TENM1: variants seen among roughly 807,000 people sequenced by gnomAD.
TENM1 encodes teneurin-1.
Under a neutral mutation model 174.8 loss-of-function variants are expected in TENM1, and 35 were observed. That is an observed-to-expected ratio of 0.20 (90% confidence interval 0.15 to 0.27). The LOEUF is 0.27. Ranked by LOEUF, TENM1 falls within the 10% of genes least tolerant of loss-of-function variation. The pLI, the probability that TENM1 is intolerant of heterozygous loss-of-function variation, is 1.00. For missense variants in TENM1, 1,633 were observed against 2,130.1 expected (o/e 0.77, Z 4.59); for synonymous variants, 781 against 798.7 (o/e 0.98, Z 0.37).
chrX:125,050,285 A>G, the TENM1 span, among the ~76,000 whole-genome samples: 11 of 109,732 alleles, frequency 1.0e-4, no homozygotes, highest in African/African-American at 3.0e-4. Flanking sequence ...AACATTAGGT[A>G]TATCTCCTAA....
chrX:124,791,691 A>G (rs1201666970), intron 3 of TENM1, among the ~76,000 whole-genome samples: 1 of 111,948 alleles, frequency 8.9e-6, no homozygotes, highest in African/African-American at 3.2e-5. Flanking sequence ...TGACTCTTCT[A>G]CATGCAGTCA....
the TENM1 span, among the ~76,000 whole-genome samples, chrX:124,972,005 C>T: frequency 1.8e-5 from 2 of 110,375 alleles, no homozygotes; most frequent in South Asian, 3.9e-4. Context: ...GAGGCCTAGG[C>T]GGGCAGATCA....
At chrX:125,030,967 T>C in the TENM1 span, among the ~76,000 whole-genome samples, 2 of 111,570 alleles carry the variant, frequency 1.8e-5, no homozygotes, top group Non-Finnish European at 3.8e-5. Context: ...TTTTTCTTTT[T>C]CTACTTTTAT....
intron 11 of TENM1, among the ~76,000 whole-genome samples, chrX:124,640,073 G>A (rs2050974206): frequency 1.8e-5 from 2 of 109,698 alleles, no homozygotes; most frequent in Non-Finnish European, 3.8e-5. Context: ...TAGACATAAA[G>A]GTTATAGAGG....
At chrX:124,754,600 T>C (rs2054177156) in intron 3 of TENM1, among the ~76,000 whole-genome samples, 2 of 111,724 alleles carry the variant, frequency 1.8e-5, no homozygotes, top group Admixed American at 9.5e-5. Flanking sequence ...TTTTTGATCT[T>C]TTCTGCTTTC....
chrX:125,064,392 T>C, the TENM1 span, among the ~76,000 whole-genome samples: 1 of 111,188 alleles, frequency 9.0e-6, no homozygotes, highest in Non-Finnish European at 1.9e-5. Context: ...AATTCTAATA[T>C]TGAAGCAAGA....
chrX:124,533,551 C>T (rs1248410559), intron 15 of TENM1, among the ~76,000 whole-genome samples: 2 of 111,441 alleles, frequency 1.8e-5, no homozygotes, highest in African/African-American at 6.5e-5. Context: ...TTAGTCAGCC[C>T]TACTTGGCCT....
At chrX:125,106,424 T>C in the TENM1 span, among the ~76,000 whole-genome samples, 1 of 109,300 alleles carries the variant, frequency 9.1e-6, no homozygotes, top group Non-Finnish European at 1.9e-5. Flanking sequence ...TTTTTTTTTT[T>C]TTTGAGATGG....
the TENM1 span, among the ~76,000 whole-genome samples, chrX:125,150,888 C>T: frequency 8.9e-6 from 1 of 112,227 alleles, no homozygotes. Context: ...TCAGTGAGAT[C>T]GTGATTCAAT....
chrX:124,802,085 A>G (rs760089489), intron 3 of TENM1, among the ~76,000 whole-genome samples: 9 of 111,528 alleles, frequency 8.1e-5, no homozygotes, highest in Non-Finnish European at 1.5e-4. Flanking sequence ...GTTTGTTATT[A>G]CTGACCTTCT....
At chrX:125,081,350 T>C in the TENM1 span, among the ~76,000 whole-genome samples, 1 of 111,207 alleles carries the variant, frequency 9.0e-6, no homozygotes, top group African/African-American at 3.3e-5. Flanking sequence ...TTCATACTCA[T>C]GTATACAGCT....
chrX:124,750,988 T>C lies in TENM1; in HGVS notation c.536-13791A>G, dbSNP rs886159362. 4.4e-5 allele frequency among the ~76,000 whole-genome samples: 5 copies of C among 112,428 alleles called. No individual in the cohort carries two copies. The South Asian group carries it at 1.1e-3, about 25-fold the overall frequency. ...CATCATTAAATGTTTCCTTTTAATTTTGAGTAGCAAATATCTTCATTTCAG... is the reference window on the plus strand; with the variant it reads ...CATCATTAAATGTTTCCTTTTAATTCTGAGTAGCAAATATCTTCATTTCAG... On this transcript the variant is annotated intron_variant, in intron 3 of 31. Coordinates refer to ENST00000422452, the Ensembl canonical transcript of TENM1.
At chrX:124,511,328 A>G (rs910271784) in intron 18 of TENM1, among the ~76,000 whole-genome samples, 2 of 112,232 alleles carry the variant, frequency 1.8e-5, no homozygotes, top group Non-Finnish European at 3.8e-5. Context: ...GAATGGATAA[A>G]ACAGCCCTGC....
chrX:125,184,780 G>A, the TENM1 span, among the ~76,000 whole-genome samples: 1 of 111,235 alleles, frequency 9.0e-6, no homozygotes, highest in Non-Finnish European at 1.9e-5. Flanking sequence ...ATGATGCATA[G>A]CACTGCAAGA....
At chrX:124,598,776 G>A (rs2049964008) in intron 11 of TENM1, among the ~76,000 whole-genome samples, 1 of 111,263 alleles carries the variant, frequency 9.0e-6, no homozygotes, top group Non-Finnish European at 1.9e-5. Context: ...TGGTGTGGGA[G>A]GGAGATGGGG....
chrX:125,039,825 C>CTTTTTTTTTTTTTTTTT, the TENM1 span, among the ~76,000 whole-genome samples: 2 of 111,383 alleles, frequency 1.8e-5, no homozygotes, highest in Admixed American at 9.5e-5. Context: ...TGAGCCTTTT[C>CTTTTTTTTTTTTTTTTT]TTATTAACCT....
chrX:124,769,805 T>C (rs925154558), intron 3 of TENM1, among the ~76,000 whole-genome samples: 1 of 111,961 alleles, frequency 8.9e-6, no homozygotes, highest in Non-Finnish European at 1.9e-5. Flanking sequence ...TATTATTTCA[T>C]CTGGAGAAAA....
chrX:125,041,961 C>A, the TENM1 span, among the ~76,000 whole-genome samples: 1 of 111,703 alleles, frequency 9.0e-6, no homozygotes, highest in East Asian at 2.8e-4. Context: ...CAAATGCTAG[C>A]AATGCTTATA....
chrX:124,473,126 A>T (rs935675851), intron 22 of TENM1, among the ~76,000 whole-genome samples: 1 of 111,666 alleles, frequency 9.0e-6, no homozygotes, highest in Non-Finnish European at 1.9e-5. Context: ...TTCTCATAAA[A>T]CTTTCAATAG....
Sources: gnomAD v4.1 joint callset for allele counts (sites outside exome capture counted in the v4.1 genomes callset) on GRCh38, gnomAD v4.1.1 for gene constraint, MANE v1.5 for transcripts, NCBI Gene and HGNC (gene_info 2026-07-23, HGNC 2026-07-21) for gene names.